Variants in ADGRL3 observed in about 807,000 individuals in gnomAD.
The protein encoded by ADGRL3 is calcium-independent alpha-latrotoxin receptor 3.
ADGRL3 carries 62 observed loss-of-function variants against 153.5 expected under a neutral mutation model. The ratio of observed to expected loss-of-function variants is 0.40; its 90% CI spans 0.33 to 0.50. The LOEUF (loss-of-function observed/expected upper bound fraction) is 0.50, where lower values mean the gene tolerates loss of function less well. Ranked by LOEUF, ADGRL3 falls within the 20% of genes least tolerant of loss-of-function variation. ADGRL3 has a pLI of 0.47. For synonymous variants in ADGRL3, 710 were observed against 672.5 expected, an observed-to-expected ratio of 1.06 and a Z score of -0.86; for missense variants, 1,641 against 1,859.4, an observed-to-expected ratio of 0.88 and a Z score of 2.16.
chr4:61,699,286 A>T (rs1271540465), intron 6 of ADGRL3, among the ~76,000 whole-genome samples: 2 of 152,184 alleles, frequency 1.3e-5, no homozygotes, highest in Non-Finnish European at 2.9e-5. Context: ...ATTAAGGTGA[A>T]TATCAGATTC....
chr4:61,317,644 G>T (rs912983774), intron 1 of ADGRL3, among the ~76,000 whole-genome samples: 2 of 152,124 alleles, frequency 1.3e-5, no homozygotes, highest in African/African-American at 4.8e-5. Flanking sequence ...TGTGAATGAA[G>T]ATTAGTGGAC....
intron 1 of ADGRL3, among the ~76,000 whole-genome samples, chr4:61,347,116 AGTGAGT>A (rs2095933207): frequency 2.6e-5 from 4 of 152,140 alleles, no homozygotes; most frequent in Non-Finnish European, 5.9e-5. Flanking sequence ...AATTACATAC[AGTGAGT>A]GTGCTCAGAA....
In ADGRL3 at chr4:61,472,493, C is replaced by T. The variant is rs182169445; in HGVS notation, c.-173-24628C>T. Among the ~76,000 whole-genome samples the T allele has an allele frequency of 4.6e-5, 7 of 152,152 alleles. No homozygotes were observed. In the East Asian group the frequency reaches 1.4e-3, roughly 30 times the overall value. On this transcript the variant is annotated intron_variant, in intron 2 of 26. Transcript: ENST00000683033. ...TACATCATGACATGGCAGCTGGCCT[C>T]TCCCAGAGTAAACCATACAAAAAAG...
chr4:62,015,555 G>C (rs1381480111), intron 21 of ADGRL3, among the ~76,000 whole-genome samples: 1 of 150,968 alleles, frequency 6.6e-6, no homozygotes, highest in Non-Finnish European at 1.5e-5. Flanking sequence ...CATCATCACA[G>C]TGCTCTGATT....
At chr4:61,284,825 T>C (rs188476686) in intron 1 of ADGRL3, among the ~76,000 whole-genome samples, 27 of 151,648 alleles carry the variant, frequency 1.8e-4, no homozygotes, top group African/African-American at 6.0e-4. Flanking sequence ...ATAATTTATA[T>C]ATATAAATCA....
intron 9 of ADGRL3, among the ~76,000 whole-genome samples, chr4:61,829,525 C>T (rs1036521009): frequency 3.3e-5 from 5 of 152,010 alleles, no homozygotes; most frequent in African/African-American, 9.7e-5. Context: ...TCTTTAGTTT[C>T]GTTTACCAAT....
Position 61,631,114 on chromosome 4 carries a change from A to G in ADGRL3, c.473+43674A>G, listed in dbSNP as rs56986200. Reference sequence around the variant, plus strand: ...TCCTTCTCTTTTGTACTCTTTTACAATACTGTCAAAGGTTTTCTTTTCGTT... The same window carrying G: ...TCCTTCTCTTTTGTACTCTTTTACAGTACTGTCAAAGGTTTTCTTTTCGTT... On this transcript the variant is annotated intron_variant, in intron 5 of 26. Coordinates refer to ENST00000683033, the MANE Select transcript of ADGRL3 (RefSeq NM_001387552.1). 3.3e-5 allele frequency among the ~76,000 whole-genome samples: 5 copies of G among 152,238 alleles called. No individual in the cohort carries two copies. In the East Asian group the frequency reaches 5.8e-4, roughly 18 times the overall value.
chr4:61,493,367 G>A (rs145440653), intron 2 of ADGRL3, among the ~76,000 whole-genome samples: 1 of 152,112 alleles, frequency 6.6e-6, no homozygotes. Context: ...TCAAATGTCC[G>A]AGTAGAGATG....
At chr4:61,360,181 C>A (rs2096262271) in intron 1 of ADGRL3, among the ~76,000 whole-genome samples, 1 of 152,126 alleles carries the variant, frequency 6.6e-6, no homozygotes, top group Non-Finnish European at 1.5e-5. Context: ...AGATAATAAT[C>A]TATGCTTGAT....
rs183257583 is a variant in ADGRL3 at position 61,728,788 on chromosome 4, G to A, written c.584-1834G>A. On this transcript the variant is annotated intron_variant, in intron 6 of 26. Transcript: ENST00000683033. Reference sequence around the variant, plus strand: ...CTTTCTATCCCCAACCTCAGCCTTCGTTATAATGTCTATACTTTGGAGACT... The same window carrying A: ...CTTTCTATCCCCAACCTCAGCCTTCATTATAATGTCTATACTTTGGAGACT... Among the ~76,000 whole-genome samples, 262 of 152,030 alleles carry A rather than the reference G, an allele frequency of 1.7e-3. 2 individuals carry two copies. Among genetic ancestry groups the A allele is most frequent in the South Asian group, 4.8e-3 (23 of 4,826 alleles).
intron 2 of ADGRL3, among the ~76,000 whole-genome samples, chr4:61,468,777 T>C (rs2152668079): frequency 6.6e-6 from 1 of 152,136 alleles, no homozygotes; most frequent in African/African-American, 2.4e-5. Context: ...TTTATCAGAG[T>C]CTACACCACA....
intron 2 of ADGRL3, among the ~76,000 whole-genome samples, chr4:61,387,307 G>A (rs192593056): frequency 9.1e-4 from 138 of 152,262 alleles, no homozygotes; most frequent in African/African-American, 3.1e-3. Context: ...CAGGACCGAG[G>A]TGAAGTTAAA....
Position 62,073,082 on chromosome 4 carries a change from T to A in ADGRL3, c.*2174T>A, listed in dbSNP as rs1175234629. The A allele has an allele frequency of 6.6e-6, 1 of 152,124 alleles. No homozygotes were observed. Among genetic ancestry groups the A allele is most frequent in the Non-Finnish European group, 1.5e-5 (1 of 67,998 alleles). 9.4% of individuals were successfully genotyped at this position (152,124 alleles called of 1,614,324 possible). On this transcript the variant is annotated 3_prime_UTR_variant, in exon 27 of 27. Transcript: ENST00000683033. ...AAGCTAAAAGGAACCTGCCAAATTA[T>A]AATTTCTCCTGTAGTGTGTTTTATC...
At chr4:61,380,958 T>C (rs1386305390) in intron 1 of ADGRL3, among the ~76,000 whole-genome samples, 1 of 151,942 alleles carries the variant, frequency 6.6e-6, no homozygotes, top group Non-Finnish European at 1.5e-5. Flanking sequence ...TTCTTTTCTA[T>C]TTTCTTCACC....
At chr4:61,626,575 A>C (rs891834214) in intron 5 of ADGRL3, among the ~76,000 whole-genome samples, 6 of 152,082 alleles carry the variant, frequency 3.9e-5, no homozygotes, top group East Asian at 3.8e-4. Context: ...AAGCCCAAGG[A>C]TATGTTTCCT....
Position 61,977,980 on chromosome 4 carries a change from C to T in ADGRL3, c.2806-1583C>T, listed in dbSNP as rs139791118. Among the ~76,000 whole-genome samples, 56 of 152,132 alleles carry T rather than the reference C, an allele frequency of 3.7e-4. No individual in the cohort carries two copies. In the East Asian group the frequency reaches 0.01, roughly 28 times the overall value. On this transcript the variant is annotated intron_variant, in intron 17 of 26. Transcript: ENST00000683033. ...ACCTCTGGTAGTCCCAAGTTTCTAT[C>T]GTGGCCATCTTTATGTCCATGAATA...
intron 18 of ADGRL3, among the ~76,000 whole-genome samples, chr4:61,980,686 C>T (rs1377746667): frequency 6.6e-6 from 1 of 152,102 alleles, no homozygotes; most frequent in African/African-American, 2.4e-5. Flanking sequence ...ATCGATCCAC[C>T]CGCCTCAGCC....
chr4:62,031,050 C>G (rs1475560428), intron 22 of ADGRL3, among the ~76,000 whole-genome samples: 1 of 151,422 alleles, frequency 6.6e-6, no homozygotes. Flanking sequence ...AGAAGAAGCA[C>G]TAATAGAGGG....
intron 6 of ADGRL3, among the ~76,000 whole-genome samples, chr4:61,693,010 T>G (rs1456757283): frequency 1.3e-5 from 2 of 152,138 alleles, no homozygotes; most frequent in African/African-American, 4.8e-5. Flanking sequence ...TACTTTGATT[T>G]GTTATAATGC....
Sources: gnomAD v4.1 joint callset for allele counts (sites outside exome capture counted in the v4.1 genomes callset) on GRCh38, gnomAD v4.1.1 for gene constraint, MANE v1.5 for transcripts, NCBI Gene and HGNC (gene_info 2026-07-23, HGNC 2026-07-21) for gene names.